The following EYS variants were observed in gnomAD, a reference collection of about 807,000 sequenced individuals.
The protein encoded by EYS is EGF-like photoreceptor maintenance factor.
EYS carries 250 observed loss-of-function variants against 282.1 expected under a neutral mutation model. The ratio of observed to expected loss-of-function variants is 0.89; its 90% CI spans 0.80 to 0.98. The LOEUF is 0.98. EYS is among the 50% of genes least tolerant of loss of function. The pLI, the probability that EYS is intolerant of heterozygous loss-of-function variation, is 0.00. For missense variants in EYS, 4,016 were observed against 3,709.0 expected, an observed-to-expected ratio of 1.08 and a Z score of -2.15; for synonymous variants, 1,355 against 1,282.9, an observed-to-expected ratio of 1.06 and a Z score of -1.20.
rs910924799 is a variant in EYS, at chr6:65,046,383, G to A, written c.2137+11231C>T. Among the ~76,000 whole-genome samples the A allele has an allele frequency of 4.0e-5, 6 of 151,840 alleles. No individual in the cohort carries two copies. In the East Asian group the frequency reaches 1.2e-3, roughly 30 times the overall value. ...AAATCATGAGAGTAGAAGTGCATTCGGCTCAGGTACATTAGGGACTATAAC... is the reference window on the plus strand; with the variant it reads ...AAATCATGAGAGTAGAAGTGCATTCAGCTCAGGTACATTAGGGACTATAAC... On this transcript the variant is annotated intron_variant, in intron 13 of 42. Transcript: ENST00000503581.
chr6:65,458,285 T>G (rs1582322303), intron 5 of EYS, among the ~76,000 whole-genome samples: 4 of 152,146 alleles, frequency 2.6e-5, no homozygotes, highest in Admixed American at 2.6e-4. Flanking sequence ...ACATCACATC[T>G]TCCATCATAA....
chr6:64,670,562 G>T (rs777944239), intron 22 of EYS, among the ~76,000 whole-genome samples: 3 of 152,112 alleles, frequency 2.0e-5, no homozygotes, highest in African/African-American at 7.2e-5. Flanking sequence ...TCAAAACATA[G>T]AGTATGAGAC....
intron 13 of EYS, among the ~76,000 whole-genome samples, chr6:65,027,603 T>A (rs566449386): frequency 6.6e-6 from 1 of 152,348 alleles, no homozygotes; most frequent in South Asian, 2.1e-4. Context: ...ATCTGCTGTC[T>A]GTCCTGATAT....
chr6:64,989,919 CTATT>C (rs760208818), intron 14 of EYS, among the ~76,000 whole-genome samples: 113 of 150,852 alleles, frequency 7.5e-4, no homozygotes, highest in Non-Finnish European at 6.2e-4. Context: ...GTGTTAAGCT[CTATT>C]TATCGTAGGA....
intron 22 of EYS, among the ~76,000 whole-genome samples, chr6:64,706,562 T>C (rs1160518272): frequency 6.6e-6 from 1 of 151,970 alleles, no homozygotes; most frequent in Non-Finnish European, 1.5e-5. Context: ...AATCTATACA[T>C]CTGACAAAGG....
chr6:64,619,035 TA>T (rs1767363982), intron 23 of EYS, among the ~76,000 whole-genome samples: 3 of 152,282 alleles, frequency 2.0e-5, no homozygotes, highest in Admixed American at 1.3e-4. Flanking sequence ...AATAAAACTC[TA>T]ACAAATACTA....
At chr6:65,029,737 G>C (rs887490065) in intron 13 of EYS, among the ~76,000 whole-genome samples, 1 of 152,166 alleles carries the variant, frequency 6.6e-6, no homozygotes, top group Non-Finnish European at 1.5e-5. Context: ...CCCAGCAAGA[G>C]ACCAGACTAT....
At chr6:64,172,821 C>T (rs1372752035) in intron 31 of EYS, among the ~76,000 whole-genome samples, 7 of 152,144 alleles carry the variant, frequency 4.6e-5, no homozygotes, top group Admixed American at 6.6e-5. Context: ...CTATTGTGAA[C>T]TGTATATGCA....
intron 36 of EYS, among the ~76,000 whole-genome samples, chr6:63,815,905 T>A (rs1287701062): frequency 1.3e-5 from 2 of 152,028 alleles, no homozygotes; most frequent in Non-Finnish European, 2.9e-5. Flanking sequence ...GGATGATTTA[T>A]CAAAAAGCAG....
At chr6:64,965,953 AGT>A (rs35672727) in intron 14 of EYS, among the ~76,000 whole-genome samples, 115,052 of 147,504 alleles carry the variant, frequency 0.78, 44,499 homozygotes, top group Non-Finnish European at 0.8. Context: ...GAAAATTGTG[AGT>A]GTGTGTGTGT....
chr6:65,184,637 C>G (rs1420878607), intron 12 of EYS, among the ~76,000 whole-genome samples: 1 of 150,710 alleles, frequency 6.6e-6, no homozygotes, highest in African/African-American at 2.4e-5. Flanking sequence ...AATACAGATT[C>G]AAATATAAAA....
At chr6:64,938,014 A>T (rs998871054) in intron 15 of EYS, among the ~76,000 whole-genome samples, 4 of 151,654 alleles carry the variant, frequency 2.6e-5, no homozygotes, top group African/African-American at 9.7e-5. Flanking sequence ...CAAACAAACC[A>T]GTCACCAAAA....
At chr6:65,326,716 C>T (rs570768980) in intron 11 of EYS, among the ~76,000 whole-genome samples, 5 of 151,558 alleles carry the variant, frequency 3.3e-5, no homozygotes, top group African/African-American at 1.2e-4. Context: ...ATTTAATAAT[C>T]TTTCATAAAT....
At chr6:63,757,922 A>G (rs763135377) in intron 41 of EYS, among the ~76,000 whole-genome samples, 3 of 152,168 alleles carry the variant, frequency 2.0e-5, no homozygotes, top group Non-Finnish European at 4.4e-5. Context: ...CTATTTAGAT[A>G]CAGGGTCTCA....
chr6:65,495,011 G>T lies in EYS; in HGVS notation c.400C>A (p.His134Asn), dbSNP rs765304266. 6.2e-7 allele frequency: 1 copy of T among 1,614,184 alleles called. No homozygotes were observed. The highest frequency in any genetic ancestry group is 8.5e-7 in the Non-Finnish European group (1 of 1,180,034). ...CTCAGCCACTTAGAATTAACAGTGTGCATTCCTTTTAGTCTGCAGCCAAAA... is the reference window on the plus strand; with the variant it reads ...CTCAGCCACTTAGAATTAACAGTGTTCATTCCTTTTAGTCTGCAGCCAAAA... ...LLFGCRLKGM[H>N]TVNSKWLSVG... The change falls in exon 4 of 43, where the codon CAC becomes AAC. Residue 134 changes from histidine to asparagine, a missense_variant. His to Asn is a moderately conservative substitution (Grantham distance 68, BLOSUM62 1). Coordinates refer to ENST00000503581, the MANE Select transcript of EYS (RefSeq NM_001142800.2).
At chr6:65,652,413 A>G (rs1328716848) in intron 1 of EYS, among the ~76,000 whole-genome samples, 1 of 151,960 alleles carries the variant, frequency 6.6e-6, no homozygotes, top group Non-Finnish European at 1.5e-5. Context: ...GATAGGGAGG[A>G]GGAGACAGGA....
At chr6:65,633,373 T>G (rs1036442107) in intron 2 of EYS, among the ~76,000 whole-genome samples, 1 of 152,226 alleles carries the variant, frequency 6.6e-6, no homozygotes, top group African/African-American at 2.4e-5. Flanking sequence ...TTTTACAGAA[T>G]GCATTTTGTG....
At position 64,591,688 on chromosome 6, in the gene EYS, A is replaced by C. The variant is rs866674451; in HGVS notation, c.4179T>G (p.Phe1393Leu). Reference protein sequence around the residue: ...FFPDRRARTPFIMSSLMSDFI... With the variant: ...FFPDRRARTPLIMSSLMSDFI... ...AATCTGACATTAAGGAAGACATGAT[A>C]AATGGGGTCCTTGCTCTCCTATCAG... is the stretch of plus-strand genomic sequence containing the variant. The change falls in exon 26 of 43, where the codon TTT becomes TTG. Residue 1393 changes from phenylalanine to leucine, a missense_variant. Phe to Leu is a conservative substitution (Grantham distance 22). Coordinates refer to ENST00000503581, the MANE Select transcript of EYS (RefSeq NM_001142800.2). 1 of 1,551,360 alleles carries C rather than the reference A, an allele frequency of 6.4e-7. No homozygotes were observed. Among genetic ancestry groups the C allele is most frequent in the African/African-American group, 1.4e-5 (1 of 73,142 alleles).
chr6:65,509,892 A>G (rs1174155749), intron 2 of EYS, among the ~76,000 whole-genome samples: 1 of 152,136 alleles, frequency 6.6e-6, no homozygotes, highest in Non-Finnish European at 1.5e-5. Flanking sequence ...GTACTTCTGA[A>G]ACCTCCTATC....
Sources: allele counts gnomAD v4.1 joint callset (sites outside exome capture counted in the v4.1 genomes callset), GRCh38; gene constraint gnomAD v4.1.1; transcripts MANE v1.5; gene names NCBI Gene and HGNC (gene_info 2026-07-23, HGNC 2026-07-21).